Variants in TRPM5 observed in about 807,000 individuals in gnomAD.
TRPM5 encodes the protein MLSN1 and TRP-related.
A neutral mutation model predicts 124.9 loss-of-function variants in TRPM5; 121 were observed. The observed-to-expected ratio is 0.97, with a 90% CI of 0.84 to 1.13. The LOEUF is 1.13. Among genes scored for constraint, TRPM5 ranks in the 50% most tolerant of loss-of-function variants. The pLI is 0.00. For missense variants in TRPM5, 1,643 were observed against 1,589.1 expected (o/e 1.03, Z -0.58); for synonymous variants, 781 against 700.5 (o/e 1.11, Z -1.81).
chr11:2,406,091 T>C, exon 22 of TRPM5: 1 of 1,611,534 alleles, frequency 6.2e-7, no homozygotes, highest in Non-Finnish European at 8.5e-7. Flanking sequence ...TGAAGTCCAC[T>C]CTGCGGCAGG....
At chr11:2,440,257 C>T in the TRPM5 span, among the ~76,000 whole-genome samples, 1 of 152,152 alleles carries the variant, frequency 6.6e-6, no homozygotes, top group Non-Finnish European at 1.5e-5. This position sits in a 1 kb window ranked among gnomAD's most constrained non-coding sequence, Gnocchi z 5.2. Flanking sequence ...ATCATCCATA[C>T]CCCAAACCTC....
upstream of TRPM5, among the ~76,000 whole-genome samples, chr11:2,423,743 G>A (rs1845805712): frequency 6.6e-6 from 1 of 152,170 alleles, no homozygotes; most frequent in African/African-American, 2.4e-5. Flanking sequence ...CAACCCTCAT[G>A]GGGCTCATGT....
the TRPM5 span, among the ~76,000 whole-genome samples, chr11:2,434,552 T>C: frequency 6.6e-6 from 1 of 151,038 alleles, no homozygotes; most frequent in African/African-American, 2.4e-5. Flanking sequence ...TGTGTGTGAG[T>C]GTATGTGTAG....
At chr11:2,415,268 G>A (rs765011140) in exon 9 of TRPM5, 35 of 1,572,320 alleles carry the variant, frequency 2.2e-5, no homozygotes, top group South Asian at 5.7e-5. Context: ...TGCCCAGGCC[G>A]GCCAGCGTCA....
At chr11:2,409,863 C>G (rs764294827) in intron 18 of TRPM5, among the ~76,000 whole-genome samples, 1 of 152,188 alleles carries the variant, frequency 6.6e-6, no homozygotes. Context: ...AGGCAGCACT[C>G]GGAGCAGGGG....
the TRPM5 span, among the ~76,000 whole-genome samples, chr11:2,444,455 G>T: frequency 0.015 from 2,291 of 151,272 alleles, 22 homozygotes; most frequent in Middle Eastern, 0.075. Context: ...CGCAGCTGGG[G>T]TCCTCCTCCG....
exon 8 of TRPM5, chr11:2,415,942 G>A (rs774660724): frequency 3.2e-6 from 5 of 1,580,004 alleles, no homozygotes; most frequent in Non-Finnish European, 4.3e-6. Context: ...TCTCACTCTT[G>A]GCGATGTCCA....
chr11:2,417,713 CT>C lies in TRPM5; in HGVS notation c.1009+13del. ...CCCAATGGCGCCTGCCTTGCCCACC[CT>C]GCCCGCCCTCACCTTTCACCAGCGC... On this transcript the variant is annotated intron_variant, in intron 7 of 23. Coordinates refer to ENST00000155858, the Ensembl canonical transcript of TRPM5. 7.5e-6 allele frequency: 11 copies of C among 1,467,322 alleles called. No individual in the cohort carries two copies. The highest frequency in any genetic ancestry group is 2.4e-4 in the Middle Eastern group (1 of 4,212). The allele number at this position is 1,467,322 out of a possible 1,614,324, so 90.9% of individuals were successfully genotyped here.
upstream of TRPM5, among the ~76,000 whole-genome samples, chr11:2,427,569 AC>A (rs2133543077): frequency 6.6e-6 from 1 of 152,292 alleles, no homozygotes; most frequent in African/African-American, 2.4e-5. Flanking sequence ...CTCCAAAGCC[AC>A]CCAGACACCA....
chr11:2,420,667 G>A (rs960596403), intron 3 of TRPM5, among the ~76,000 whole-genome samples: 4 of 152,204 alleles, frequency 2.6e-5, no homozygotes, highest in Non-Finnish European at 4.4e-5. Context: ...CCAGGCTGCC[G>A]GGAGCACCTC....
chr11:2,429,006 GGTGGTGATAATGATT>G, the TRPM5 span, among the ~76,000 whole-genome samples: 1 of 151,546 alleles, frequency 6.6e-6, no homozygotes, highest in Non-Finnish European at 1.5e-5. This position sits in a 1 kb window ranked among gnomAD's most constrained non-coding sequence, Gnocchi z 8.4. Flanking sequence ...AGGGGATGGT[GGTGGTGATAATGATT>G]GTGGTGGTGA....
the TRPM5 span, among the ~76,000 whole-genome samples, chr11:2,434,601 ATG>A: frequency 1.8e-5 from 2 of 113,652 alleles, no homozygotes; most frequent in African/African-American, 3.1e-5. Flanking sequence ...GTGAAAGTGT[ATG>A]TGTGTGTGTG....
chr11:2,425,782 AG>A (rs1397605432), upstream of TRPM5, among the ~76,000 whole-genome samples: 1 of 152,116 alleles, frequency 6.6e-6, no homozygotes, highest in Non-Finnish European at 1.5e-5. Context: ...CACAGGGTGT[AG>A]GGGGCTTGGG....
At chr11:2,443,953 G>A in the TRPM5 span, among the ~76,000 whole-genome samples, 1 of 151,996 alleles carries the variant, frequency 6.6e-6, no homozygotes, top group African/African-American at 2.4e-5. The surrounding 1 kb of genome is among the most constrained non-coding windows in gnomAD (Gnocchi z 5.0). Flanking sequence ...GGGGCGCAGC[G>A]GCAGCGCGGT....
rs375635632 is a variant in TRPM5 at position 2,410,577 on chromosome 11, G to A, written c.2782+775C>T. 1.5e-3 allele frequency: 598 copies of A among 405,288 alleles called. 5 individuals carry two copies. Among genetic ancestry groups the A allele is most frequent in the African/African-American group, 0.011 (510 of 47,996 alleles). 25.1% of individuals were successfully genotyped at this position (405,288 alleles called of 1,614,324 possible). On this transcript the variant is annotated intron_variant, in intron 18 of 23. Transcript: ENST00000155858. ...TCACTGAGTCCCAGCCATCCCAGGG[G>A]CCTGCACAGGTCCCTGCCCCACCCC...
chr11:2,409,589 G>T (rs758787236), intron 18 of TRPM5, among the ~76,000 whole-genome samples: 1 of 152,226 alleles, frequency 6.6e-6, no homozygotes, highest in African/African-American at 2.4e-5. Context: ...GGAACTGTCT[G>T]AGCCTCAGTC....
At chr11:2,404,743 C>T (rs372885458) in exon 24 of TRPM5, 16 of 568,756 alleles carry the variant, frequency 2.8e-5, no homozygotes, top group South Asian at 1.7e-4. Context: ...ACTGCTGTGC[C>T]TCCGGGGAGG....
chr11:2,411,227 ATC>A (rs756463359), intron 18 of TRPM5, 123 bp downstream of exon 23: 73 of 1,203,662 alleles, frequency 6.1e-5, no homozygotes, highest in Non-Finnish European at 8.0e-5. Context: ...CACTTCTCCC[ATC>A]TCTGCTCCAG....
chr11:2,414,126 T>C (rs1453268334), exon 12 of TRPM5: 2 of 1,600,550 alleles, frequency 1.2e-6, no homozygotes, highest in East Asian at 2.3e-5. Context: ...AGGCAGGTGG[T>C]CTTGCTCCAG....
Sources: allele counts gnomAD v4.1 joint callset (sites outside exome capture counted in the v4.1 genomes callset), GRCh38; gene constraint gnomAD v4.1.1; non-coding constraint Gnocchi (gnomAD v3.1); transcripts MANE v1.5; gene names NCBI Gene and HGNC (gene_info 2026-07-23, HGNC 2026-07-21).